The following CYP1A2 variants were observed in gnomAD, a reference collection of about 807,000 sequenced individuals.
The protein encoded by CYP1A2 is cytochrome P450 family 1 subfamily A member 2.
CYP1A2 carries 35 observed loss-of-function variants against 34.7 expected under a neutral mutation model. The observed-to-expected ratio is 1.01, with a 90% CI of 0.77 to 1.34. The LOEUF is 1.34. CYP1A2 is among the 40% of genes most tolerant of loss of function. The pLI, the probability that CYP1A2 is intolerant of heterozygous loss-of-function variation, is 0.00. For synonymous variants in CYP1A2, 288 were observed against 281.9 expected (o/e 1.02, Z -0.22); for missense variants, 675 against 675.8 (o/e 1.00, Z 0.01).
At position 74,749,945 on chromosome 15, in the gene CYP1A2, C is replaced by A; in HGVS notation, c.207C>A (p.Ser69Arg). Residue 69 changes from serine to arginine, a missense_variant, in exon 2 of 7, where the codon AGC (serine) becomes AGA (arginine). Transcript: ENST00000343932. ...KNPHLALSRM[S>R]QRYGDVLQIR... ...CGCACCTGGCACTGTCAAGGATGAG[C>A]CAGCGCTACGGGGACGTCCTGCAGA... 4.3e-6 allele frequency: 7 copies of A among 1,613,396 alleles called. No homozygotes were observed. Among genetic ancestry groups the A allele is most frequent in the Non-Finnish European group, 5.9e-6 (7 of 1,179,490 alleles).
In CYP1A2 at chr15:74,749,803, G is replaced by T; in HGVS notation, c.65G>T (p.Cys22Phe). Residue 22 changes from cysteine (C) to phenylalanine (F), a missense_variant, in exon 2 of 7, where the codon TGC becomes TTC. Cys to Phe is a radical substitution (Grantham distance 205). Coordinates refer to ENST00000343932, the MANE Select transcript of CYP1A2 (RefSeq NM_000761.5). The stretch of plus-strand genomic sequence containing the variant: ...CTTCTCCTGGCCTCTGCCATCTTCT[G>T]CCTGGTATTCTGGGTGCTCAAGGGT... The part of the protein sequence containing the change: ...TELLLASAIF[C>F]LVFWVLKGLR... 1 of 1,587,452 alleles carries T rather than the reference G, an allele frequency of 6.3e-7. No individual in the cohort carries two copies. The highest frequency in any genetic ancestry group is 8.6e-7 in the Non-Finnish European group (1 of 1,163,904).
In CYP1A2 at chr15:74,755,751, C is replaced by T. The variant is rs754519768; in HGVS notation, c.*663C>T. On this transcript the variant is annotated 3_prime_UTR_variant, in exon 7 of 7. Coordinates refer to ENST00000343932, the MANE Select transcript of CYP1A2 (RefSeq NM_000761.5). The stretch of plus-strand genomic sequence containing the variant: ...GTGTGAGCCACCACATCCAGCCTAA[C>T]TTACATTCTTAAAGTGTCGAATGAC... 6.6e-6 allele frequency: 1 copy of T among 152,098 alleles called. No individual in the cohort carries two copies. Among genetic ancestry groups the T allele is most frequent in the African/African-American group, 2.4e-5 (1 of 41,420 alleles). The allele number at this position is 152,098 out of a possible 1,614,324, so 9.4% of individuals were successfully genotyped here.
intron 2 of CYP1A2, 128 bp downstream of exon 2, chr15:74,750,697 C>A: frequency 1.3e-6 from 1 of 750,896 alleles, no homozygotes; most frequent in Non-Finnish European, 2.1e-6. Flanking sequence ...ACACCTCAGA[C>A]CAGCTGTGTG....
chr15:74,751,126 G>C (rs1337272545), intron 2 of CYP1A2, 63 bp from the exon 3 acceptor site: 1 of 1,598,718 alleles, frequency 6.3e-7, no homozygotes, highest in Admixed American at 1.7e-5. Context: ...CAGGGGAGTG[G>C]AGCAACGTTC....
chr15:74,749,588 G>T (rs2063304185), intron 1 of CYP1A2, 142 bp from the exon 2 acceptor site: 3 of 683,822 alleles, frequency 4.4e-6, no homozygotes, highest in Non-Finnish European at 7.3e-6. Context: ...AGGACGCATG[G>T]TAGATGGAGC....
chr15:74,750,611 C>T, intron 2 of CYP1A2, 42 bp downstream of exon 2: 1 of 1,530,540 alleles, frequency 6.5e-7, no homozygotes, highest in Non-Finnish European at 9.0e-7. Flanking sequence ...CTTGCAGGGC[C>T]TGGGTGCAGC....
rs1025609067 is a variant in CYP1A2 at position 74,755,301 on chromosome 15, CA to C, written c.*223del. ...CCAACATAGTGGGACCCTGTCTCTA[CA>C]AAAAAAAAATTTGCCAAGAGCCTGA... is the stretch of plus-strand genomic sequence containing the variant. On this transcript the variant is annotated 3_prime_UTR_variant, in exon 7 of 7. Transcript: ENST00000343932. 2,510 of 277,964 alleles carry C rather than the reference CA, an allele frequency of 9.0e-3. No homozygotes were observed. The highest frequency in any genetic ancestry group is 0.013 in the East Asian group (186 of 14,320). 17.2% of individuals were successfully genotyped at this position (277,964 alleles called of 1,614,324 possible).
At position 74,755,114 on chromosome 15, in the gene CYP1A2, G is replaced by C. The variant is rs1462550715; in HGVS notation, c.*26G>C. 2 of 1,586,736 alleles carry C rather than the reference G, an allele frequency of 1.3e-6. No homozygotes were observed. The highest frequency in any genetic ancestry group is 1.7e-6 in the Non-Finnish European group (2 of 1,165,588). On this transcript the variant is annotated 3_prime_UTR_variant, in exon 7 of 7. Transcript: ENST00000343932. ...AGAAGACACCACCATTCTGAGGCCA[G>C]GGAGCGAGTGGGGGCCAGCCACGGG...
Position 74,752,213 on chromosome 15 carries a change from C to T in CYP1A2, c.1132C>T (p.His378Tyr). The T allele has an allele frequency of 6.2e-7, 1 of 1,614,056 alleles. No individual in the cohort carries two copies. Among genetic ancestry groups the T allele is most frequent in the South Asian group, 1.1e-5 (1 of 91,080 alleles). Residue 378 changes from histidine to tyrosine, a missense_variant, in exon 5 of 7, where the codon CAC becomes TAC. His to Tyr is a moderately conservative substitution (Grantham distance 83). Transcript: ENST00000343932. ...GGCCTTCATCCTGGAGACCTTCCGA[C>T]ACTCCTCCTTCTTGCCCTTCACCAT... ...LEAFILETFRHSSFLPFTIPH... is the reference protein window; with the variant it reads ...LEAFILETFRYSSFLPFTIPH...
intron 5 of CYP1A2, among the ~76,000 whole-genome samples, chr15:74,752,961 G>A (rs749497502): frequency 1.3e-5 from 2 of 149,436 alleles, no homozygotes; most frequent in East Asian, 2.0e-4. Context: ...AGCCAAGTGC[G>A]CAGCCAGGCG....
chr15:74,750,296 C>A lies in CYP1A2; in HGVS notation c.558C>A (p.Phe186Leu), dbSNP rs72547513. The A allele has an allele frequency of 6.2e-7, 1 of 1,614,216 alleles. No individual in the cohort carries two copies. Among genetic ancestry groups the A allele is most frequent in the East Asian group, 2.2e-5 (1 of 44,890 alleles). Residue 186 changes from phenylalanine (F) to leucine (L), a missense_variant, in exon 2 of 7, where the codon TTC becomes TTA. Coordinates refer to ENST00000343932, the MANE Select transcript of CYP1A2 (RefSeq NM_000761.5). ...AGCTGATGGCAGGGCCTGGGCACTT[C>A]GACCCTTACAATCAGGTGGTGGTGT... Reference protein sequence around the residue: ...LQELMAGPGHFDPYNQVVVSV... With the variant: ...LQELMAGPGHLDPYNQVVVSV...
At position 74,755,694 on chromosome 15, in the gene CYP1A2, T is replaced by G. The variant is rs1306178575; in HGVS notation, c.*606T>G. On this transcript the variant is annotated 3_prime_UTR_variant, in exon 7 of 7. Coordinates refer to ENST00000343932, the MANE Select transcript of CYP1A2 (RefSeq NM_000761.5). The stretch of plus-strand genomic sequence containing the variant: ...AACTCCTGACCCCAAGTTATCCACC[T>G]GCCTTGGCTTCCCAAAGTCCTGGGA... 1 of 152,210 alleles carries G rather than the reference T, an allele frequency of 6.6e-6. No individual in the cohort carries two copies. Among genetic ancestry groups the G allele is most frequent in the Non-Finnish European group, 1.5e-5 (1 of 68,088 alleles). The allele number at this position is 152,210 out of a possible 1,614,324, so 9.4% of individuals were successfully genotyped here.
chr15:74,754,265 G>A (rs1222111150), intron 6 of CYP1A2, among the ~76,000 whole-genome samples: 1 of 151,704 alleles, frequency 6.6e-6, no homozygotes, highest in African/African-American at 2.4e-5. Context: ...AATATTAAAA[G>A]GCACTATCTT....
Position 74,752,135 on chromosome 15 carries a change from G to A in CYP1A2, c.1054G>A (p.Gly352Ser), listed in dbSNP as rs1453893545. The change falls in exon 5 of 7, where the codon GGC (glycine) becomes AGC (serine). Residue 352 changes from glycine (G) to serine (S), a missense_variant. Coordinates refer to ENST00000343932, the MANE Select transcript of CYP1A2 (RefSeq NM_000761.5). ...KIQKELDTVI[G>S]RERRPRLSDR... Reference sequence around the variant, plus strand: ...TCTGTGTTCTACAGACACTGTGATTGGCAGGGAGCGGCGGCCCCGGCTCTC... The same window carrying A: ...TCTGTGTTCTACAGACACTGTGATTAGCAGGGAGCGGCGGCCCCGGCTCTC... The A allele has an allele frequency of 6.2e-7, 1 of 1,614,052 alleles. No individual in the cohort carries two copies. Among genetic ancestry groups the A allele is most frequent in the Non-Finnish European group, 8.5e-7 (1 of 1,179,978 alleles).
chr15:74,751,702 G>A, intron 3 of CYP1A2, 63 bp from the exon 4 acceptor site: 1 of 1,506,292 alleles, frequency 6.6e-7, no homozygotes, highest in South Asian at 1.2e-5. Flanking sequence ...GCAGATACTT[G>A]GGAAATGATG....
Position 74,753,377 on chromosome 15 carries a change from G to T in CYP1A2, c.1253+107G>T, listed in dbSNP as rs1596358843. 5 of 822,076 alleles carry T rather than the reference G, an allele frequency of 6.1e-6. No individual in the cohort carries two copies. In the East Asian group the frequency reaches 1.4e-4, roughly 23 times the overall value. 50.9% of individuals were successfully genotyped at this position (822,076 alleles called of 1,614,324 possible). On this transcript the variant is annotated intron_variant, in intron 6 of 6. Coordinates refer to ENST00000343932, the MANE Select transcript of CYP1A2 (RefSeq NM_000761.5). ...ATAATGAAAGGAGGGGACCTCAATTGCTATAGTCTGCTCTAAGTGACGATA... is the reference window on the plus strand; with the variant it reads ...ATAATGAAAGGAGGGGACCTCAATTTCTATAGTCTGCTCTAAGTGACGATA...
In CYP1A2 at chr15:74,755,090, G is replaced by A. The variant is rs754876044; in HGVS notation, c.*2G>A. ...CGGCTGCGCTTCTCCATCAATTGAA[G>A]AAGACACCACCATTCTGAGGCCAGG... On this transcript the variant is annotated 3_prime_UTR_variant, in exon 7 of 7. Coordinates refer to ENST00000343932, the MANE Select transcript of CYP1A2 (RefSeq NM_000761.5). 2.5e-6 allele frequency: 4 copies of A among 1,601,158 alleles called. No individual in the cohort carries two copies. The highest frequency in any genetic ancestry group is 1.7e-4 in the Middle Eastern group (1 of 5,780).
intron 6 of CYP1A2, 122 bp downstream of exon 6, chr15:74,753,392 A>G: frequency 1.4e-6 from 1 of 707,970 alleles, no homozygotes; most frequent in South Asian, 1.9e-5. Context: ...AGTCTGCTCT[A>G]AGTGACGATA....
intron 4 of CYP1A2, 22 bp from the exon 5 acceptor site, chr15:74,752,102 G>A (rs776247561): frequency 1.8e-5 from 29 of 1,613,468 alleles, no homozygotes; most frequent in Non-Finnish European, 2.2e-5. Flanking sequence ...CCTGAGCTCT[G>A]CTTGTCCTCT....
Sources: gnomAD v4.1 joint callset for allele counts (sites outside exome capture counted in the v4.1 genomes callset) on GRCh38, gnomAD v4.1.1 for gene constraint, MANE v1.5 for transcripts, NCBI Gene and HGNC (gene_info 2026-07-23, HGNC 2026-07-21) for gene names.